The following MYO6 variants were observed in gnomAD, a reference collection of about 807,000 sequenced individuals.
MYO6 encodes the protein unconventional myosin-VI.
A neutral mutation model predicts 178.7 loss-of-function variants in MYO6; 74 were observed. The ratio of observed to expected loss-of-function variants is 0.41; its 90% confidence interval spans 0.34 to 0.50. MYO6 has a LOEUF of 0.50. Ranked by LOEUF, MYO6 falls within the 20% of genes least tolerant of loss-of-function variation. The pLI, the probability that MYO6 is intolerant of heterozygous loss-of-function variation, is 0.09. For missense variants in MYO6, 1,330 were observed against 1,547.4 expected (o/e 0.86, Z 2.36); for synonymous variants, 477 against 504.6 (o/e 0.95, Z 0.73).
chr6:75,833,573 G>A (rs1773341685), intron 6 of MYO6, among the ~76,000 whole-genome samples: 1 of 152,154 alleles, frequency 6.6e-6, no homozygotes, highest in Non-Finnish European at 1.5e-5. Context: ...TTGTCTTTCT[G>A]TGACTGGCCT....
At chr6:75,851,831 T>G (rs991770827) in intron 11 of MYO6, among the ~76,000 whole-genome samples, 3 of 151,986 alleles carry the variant, frequency 2.0e-5, no homozygotes, top group Admixed American at 6.6e-5. Flanking sequence ...AGTGAGACCC[T>G]GTCTCCAAAA....
intron 1 of MYO6, among the ~76,000 whole-genome samples, chr6:75,789,924 T>G (rs1768057589): frequency 6.6e-6 from 1 of 152,230 alleles, no homozygotes; most frequent in African/African-American, 2.4e-5. Flanking sequence ...GTAAGCACTA[T>G]TCTACTCTCT....
intron 30 of MYO6, among the ~76,000 whole-genome samples, chr6:75,899,620 A>C (rs1214497087): frequency 1.3e-5 from 2 of 152,108 alleles, no homozygotes; most frequent in African/African-American, 2.4e-5. Context: ...TAGACCGCTT[A>C]TGAAAAGTAT....
At chr6:75,874,288 TCTTA>T (rs2149330069) in intron 20 of MYO6, among the ~76,000 whole-genome samples, 2 of 152,348 alleles carry the variant, frequency 1.3e-5, no homozygotes, top group Admixed American at 1.3e-4. Context: ...TTCTGTTCTT[TCTTA>T]TTGTCTGCAC....
intron 5 of MYO6, 30 bp downstream of exon 5, chr6:75,830,575 T>G (rs779237014): frequency 1.3e-6 from 2 of 1,594,570 alleles, no homozygotes; most frequent in Admixed American, 3.3e-5. Flanking sequence ...TTTTAATTCT[T>G]GTCTTTCTTT....
At chr6:75,840,518 A>T (rs1404595844) in intron 7 of MYO6, 67 bp from the exon 8 acceptor site, 11 of 1,008,464 alleles carry the variant, frequency 1.1e-5, no homozygotes, top group Non-Finnish European at 1.7e-5. Flanking sequence ...AAATGGAGAT[A>T]TACCATGCAT....
At chr6:75,880,188 T>A in intron 22 of MYO6, 68 bp downstream of exon 22, 1 of 1,098,036 alleles carries the variant, frequency 9.1e-7, no homozygotes. Flanking sequence ...AGTGAATATC[T>A]TAAAGTATTT....
chr6:75,909,797 T>C (rs1218221464), intron 32 of MYO6, among the ~76,000 whole-genome samples: 4 of 152,180 alleles, frequency 2.6e-5, no homozygotes, highest in African/African-American at 9.7e-5. Context: ...TAGTATAGTT[T>C]AGCAATGCAG....
intron 2 of MYO6, among the ~76,000 whole-genome samples, chr6:75,821,185 C>CAT (rs1771835828): frequency 6.6e-6 from 1 of 152,152 alleles, no homozygotes; most frequent in South Asian, 2.1e-4. Flanking sequence ...AACTCTTTGT[C>CAT]ATTGGCCTCC....
At chr6:75,884,901 C>T (rs1273676200) in intron 23 of MYO6, among the ~76,000 whole-genome samples, 1 of 152,192 alleles carries the variant, frequency 6.6e-6, no homozygotes, top group Admixed American at 6.5e-5. Flanking sequence ...ATTCATGCAG[C>T]TGGAGGCTGT....
chr6:75,840,702 G>C lies in MYO6; in HGVS notation c.651+20G>C, dbSNP rs1774136658. ...GAAAAGGTAAGTGAGAGTAAGCTTT[G>C]GAATGATATTTTTGGGGAGTGTTTG... On this transcript the variant is annotated intron_variant, in intron 8 of 34. Coordinates refer to ENST00000369977, the MANE Select transcript of MYO6 (RefSeq NM_004999.4). The C allele has an allele frequency of 6.4e-7, 1 of 1,566,286 alleles. No individual in the cohort carries two copies. Among genetic ancestry groups the C allele is most frequent in the African/African-American group, 1.4e-5 (1 of 73,872 alleles).
chr6:75,847,803 T>C (rs577432518), intron 10 of MYO6, among the ~76,000 whole-genome samples: 3 of 152,226 alleles, frequency 2.0e-5, no homozygotes, highest in African/African-American at 7.2e-5. Context: ...AAAGGAGTCA[T>C]ACTGATTGTC....
chr6:75,850,539 A>G (rs551725380), intron 11 of MYO6, among the ~76,000 whole-genome samples: 2 of 152,326 alleles, frequency 1.3e-5, no homozygotes, highest in South Asian at 4.1e-4. Context: ...TTTGTCATCT[A>G]TGAATGAACA....
chr6:75,900,562 T>C (rs1226972629), intron 30 of MYO6, among the ~76,000 whole-genome samples: 40 of 152,220 alleles, frequency 2.6e-4, no homozygotes, highest in Non-Finnish European at 4.7e-4. Context: ...TCATGTCCTT[T>C]GCCCACTTTT....
Position 75,886,111 on chromosome 6 carries a change from C to G in MYO6, c.2507+17C>G. ...CAAACCTCGGTAAGATGAATAGTTCCTAAAAAGAACTCTACAAAACCTAGT... is the reference window on the plus strand; with the variant it reads ...CAAACCTCGGTAAGATGAATAGTTCGTAAAAAGAACTCTACAAAACCTAGT... On this transcript the variant is annotated intron_variant, in intron 24 of 34. Coordinates refer to ENST00000369977, the MANE Select transcript of MYO6 (RefSeq NM_004999.4). 6.6e-7 allele frequency: 1 copy of G among 1,526,494 alleles called. No homozygotes were observed. Among genetic ancestry groups the G allele is most frequent in the South Asian group, 1.1e-5 (1 of 88,614 alleles). 94.6% of individuals were successfully genotyped at this position (1,526,494 alleles called of 1,614,324 possible).
intron 1 of MYO6, among the ~76,000 whole-genome samples, chr6:75,782,311 T>C (rs1767063850): frequency 1.3e-5 from 2 of 152,166 alleles, no homozygotes; most frequent in South Asian, 4.1e-4. Flanking sequence ...TGGTTTCTTA[T>C]ACCAAGATAA....
intron 1 of MYO6, among the ~76,000 whole-genome samples, chr6:75,798,993 A>G (rs1400017998): frequency 1.3e-5 from 2 of 152,184 alleles, no homozygotes; most frequent in Non-Finnish European, 2.9e-5. Flanking sequence ...CAAGAACACA[A>G]TCCCGTTTAC....
At chr6:75,781,290 G>A (rs1474183663) in intron 1 of MYO6, among the ~76,000 whole-genome samples, 1 of 152,164 alleles carries the variant, frequency 6.6e-6, no homozygotes, top group South Asian at 2.1e-4. Flanking sequence ...ATGACTTCGG[G>A]GAGGAGGAGA....
chr6:75,872,079 A>G (rs1777200179), intron 19 of MYO6, among the ~76,000 whole-genome samples: 1 of 152,164 alleles, frequency 6.6e-6, no homozygotes, highest in African/African-American at 2.4e-5. Context: ...CAGTGAGCCA[A>G]GATCACGCCA....
Sources: allele counts gnomAD v4.1 joint callset (sites outside exome capture counted in the v4.1 genomes callset), GRCh38; gene constraint gnomAD v4.1.1; transcripts MANE v1.5; gene names NCBI Gene and HGNC (gene_info 2026-07-23, HGNC 2026-07-21).